Variants in XRN2 observed in about 807,000 individuals in gnomAD.
XRN2 encodes 5'-3' exoribonuclease 2, also known as DHM1-like protein.
In XRN2, 44 loss-of-function variants were observed where a neutral mutation model predicts 138.5. The observed-to-expected ratio is 0.32, with a 90% CI of 0.25 to 0.41. The LOEUF is 0.41. Among genes scored for constraint, XRN2 ranks in the 10% least tolerant of loss-of-function variants. XRN2 has a pLI of 1.00. For synonymous variants in XRN2, 354 were observed against 369.4 expected (o/e 0.96, Z 0.48); for missense variants, 937 against 1,169.3 (o/e 0.80, Z 2.90).
In XRN2 at chr20:21,340,725, A is replaced by T. The variant is rs370633390; in HGVS notation, c.1283A>T (p.Asp428Val). The change falls in exon 15 of 30, where the codon GAT becomes GTT. Residue 428 changes from aspartate to valine, a missense_variant. Coordinates refer to ENST00000377191, the MANE Select transcript of XRN2 (RefSeq NM_012255.5). Reference protein sequence around the residue: ...QKEKRKRMKRDQPAFTPSGIL... With the variant: ...QKEKRKRMKRVQPAFTPSGIL... ...CATTCATTCCATTTATGTTAGAGAG[A>T]TCAACCAGCTTTCACTCCTAGTGGA... The T allele has an allele frequency of 1.1e-5, 17 of 1,613,496 alleles. No homozygotes were observed. The highest frequency in any genetic ancestry group is 3.3e-5 in the Admixed American group (2 of 59,960).
intron 24 of XRN2, among the ~76,000 whole-genome samples, chr20:21,359,259 C>T (rs988696776): frequency 9.2e-5 from 14 of 152,088 alleles, no homozygotes; most frequent in Non-Finnish European, 1.6e-4. Flanking sequence ...AGGCCGGGCG[C>T]GGTGGCTCAC....
intron 15 of XRN2, among the ~76,000 whole-genome samples, chr20:21,341,654 A>G (rs570666952): frequency 6.6e-6 from 1 of 151,548 alleles, no homozygotes; most frequent in Non-Finnish European, 1.5e-5. Context: ...AGGAACATAC[A>G]CTTTTGCTAT....
chr20:21,357,400 A>G (rs1254427347), intron 23 of XRN2, among the ~76,000 whole-genome samples: 2 of 152,142 alleles, frequency 1.3e-5, no homozygotes, highest in Non-Finnish European at 2.9e-5. Context: ...TCCCAGTGGC[A>G]GTTTGTGAGA....
chr20:21,315,675 G>C (rs1428170761), intron 1 of XRN2, among the ~76,000 whole-genome samples: 1 of 152,018 alleles, frequency 6.6e-6, no homozygotes, highest in Non-Finnish European at 1.5e-5. Context: ...TGTATTTTGG[G>C]TTGAGACAGG....
intron 24 of XRN2, among the ~76,000 whole-genome samples, chr20:21,360,667 G>A (rs1055517260): frequency 1.3e-5 from 2 of 151,922 alleles, no homozygotes; most frequent in African/African-American, 2.4e-5. Context: ...GAGATTTTTT[G>A]TTTTAATGTG....
At chr20:21,312,286 G>A (rs1300772739) in intron 1 of XRN2, among the ~76,000 whole-genome samples, 1 of 151,712 alleles carries the variant, frequency 6.6e-6, no homozygotes. Context: ...CTAAGTTTTT[G>A]TATTTATTTA....
intron 1 of XRN2, among the ~76,000 whole-genome samples, chr20:21,309,478 G>A (rs2037849472): frequency 1.3e-5 from 2 of 152,182 alleles, no homozygotes; most frequent in African/African-American, 4.8e-5. Context: ...AACCCAGGAT[G>A]CTTTGAATGC....
chr20:21,352,870 A>G (rs371063650), intron 20 of XRN2, among the ~76,000 whole-genome samples: 8 of 152,212 alleles, frequency 5.3e-5, no homozygotes, highest in East Asian at 3.9e-4. Context: ...CCCTCTGGGT[A>G]TTGAAAGAAT....
intron 15 of XRN2, 34 bp from the exon 16 acceptor site, chr20:21,344,056 A>C (rs2038405207): frequency 1.3e-6 from 2 of 1,490,808 alleles, no homozygotes; most frequent in East Asian, 2.3e-5. Flanking sequence ...TGAATAATGA[A>C]ATCCTTCTTC....
At chr20:21,351,009 G>C (rs937675090) in intron 20 of XRN2, among the ~76,000 whole-genome samples, 1 of 151,936 alleles carries the variant, frequency 6.6e-6, no homozygotes, top group Non-Finnish European at 1.5e-5. Context: ...GGACAGTGAG[G>C]GATGTAAAAA....
intron 13 of XRN2, among the ~76,000 whole-genome samples, chr20:21,334,598 G>T (rs1332447076): frequency 6.6e-6 from 1 of 152,118 alleles, no homozygotes; most frequent in Non-Finnish European, 1.5e-5. Context: ...CAGGGCAGAG[G>T]GTTGGGAGAA....
intron 4 of XRN2, among the ~76,000 whole-genome samples, chr20:21,329,223 G>A (rs1190249045): frequency 2.6e-5 from 4 of 152,144 alleles, no homozygotes; most frequent in Non-Finnish European, 4.4e-5. Context: ...AGGGGTTAGG[G>A]TGGGATGTCT....
intron 17 of XRN2, among the ~76,000 whole-genome samples, chr20:21,346,766 G>A (rs1430711715): frequency 1.3e-5 from 2 of 151,838 alleles, no homozygotes; most frequent in Non-Finnish European, 1.5e-5. Context: ...ATTACAGAGC[G>A]CACCACCACA....
At chr20:21,343,960 G>A (rs2038404001) in intron 15 of XRN2, 130 bp from the exon 16 acceptor site, 1 of 620,862 alleles carries the variant, frequency 1.6e-6, no homozygotes, top group South Asian at 2.3e-5. Context: ...TTCTAAATAT[G>A]TTTACCATCT....
chr20:21,333,080 A>G (rs957589357), intron 9 of XRN2, among the ~76,000 whole-genome samples: 1 of 152,308 alleles, frequency 6.6e-6, no homozygotes, highest in Middle Eastern at 3.4e-3. Context: ...AGAGATAAAT[A>G]TAGTGTATTA....
intron 21 of XRN2, among the ~76,000 whole-genome samples, chr20:21,355,319 A>G (rs892066851): frequency 6.6e-6 from 1 of 152,210 alleles, no homozygotes; most frequent in African/African-American, 2.4e-5. Flanking sequence ...ATATGACATA[A>G]AAGGAGGCAA....
intron 27 of XRN2, among the ~76,000 whole-genome samples, chr20:21,378,978 A>G (rs1210268576): frequency 2.0e-5 from 3 of 152,226 alleles, no homozygotes; most frequent in African/African-American, 7.2e-5. Flanking sequence ...TCTGTAGCCC[A>G]GAGAACCTTA....
At chr20:21,374,050 T>C (rs796372188) in intron 27 of XRN2, among the ~76,000 whole-genome samples, 15 of 152,278 alleles carry the variant, frequency 9.9e-5, no homozygotes, top group African/African-American at 3.6e-4. Flanking sequence ...CAATAAAAAA[T>C]TCAGGACAAA....
chr20:21,358,952 C>G (rs1183717061), intron 24 of XRN2, among the ~76,000 whole-genome samples: 1 of 152,176 alleles, frequency 6.6e-6, no homozygotes, highest in African/African-American at 2.4e-5. Flanking sequence ...AGCATTGGCG[C>G]TTCAGGCCAA....
Sources: gnomAD v4.1 joint callset for allele counts (sites outside exome capture counted in the v4.1 genomes callset) on GRCh38, gnomAD v4.1.1 for gene constraint, MANE v1.5 for transcripts, NCBI Gene and HGNC (gene_info 2026-07-23, HGNC 2026-07-21) for gene names.